Variants in ST3GAL3 observed in about 807,000 individuals in gnomAD.
ST3GAL3 encodes the protein ST3 beta-galactoside alpha-2,3-sialyltransferase 3.
A neutral mutation model predicts 50.1 loss-of-function variants in ST3GAL3; 21 were observed. The observed-to-expected ratio is 0.42, with a 90% CI of 0.30 to 0.60. The LOEUF is 0.60. Ranked by LOEUF, ST3GAL3 falls within the 20% of genes least tolerant of loss-of-function variation. The pLI is 0.19. For missense variants in ST3GAL3, 353 were observed against 489.4 expected, an observed-to-expected ratio of 0.72 and a Z score of 2.63; for synonymous variants, 183 against 190.0, an observed-to-expected ratio of 0.96 and a Z score of 0.30.
At chr1:43,797,703 C>G (rs1313009574) in intron 3 of ST3GAL3, among the ~76,000 whole-genome samples, 2 of 152,152 alleles carry the variant, frequency 1.3e-5, no homozygotes, top group East Asian at 1.9e-4. Flanking sequence ...AAAGACTGCT[C>G]TCCCCCTAAC....
chr1:43,871,791 T>A (rs577990095), intron 5 of ST3GAL3, among the ~76,000 whole-genome samples: 6 of 10,318 alleles, frequency 5.8e-4, no homozygotes, highest in Admixed American at 2.6e-3. Context: ...ATGGGATGTG[T>A]GGGAGAAGAT....
intron 4 of ST3GAL3, among the ~76,000 whole-genome samples, chr1:43,817,644 C>CCCTT (rs1558438782): frequency 4.2e-4 from 32 of 75,768 alleles, no homozygotes; most frequent in East Asian, 1.0e-3. Context: ...TCCTCCTTCT[C>CCCTT]CTCCTCCTCC....
At chr1:43,929,544 A>G (rs1457654513) in intron 11 of ST3GAL3, among the ~76,000 whole-genome samples, 1 of 151,964 alleles carries the variant, frequency 6.6e-6, no homozygotes, top group Non-Finnish European at 1.5e-5. Context: ...CTCGTGATCC[A>G]CCCGCCTCGG....
intron 3 of ST3GAL3, among the ~76,000 whole-genome samples, chr1:43,795,900 A>T (rs554635041): frequency 6.6e-6 from 1 of 152,302 alleles, no homozygotes; most frequent in Non-Finnish European, 1.5e-5. Flanking sequence ...TCAGTGTCCC[A>T]TGTCTTGGAC....
chr1:43,868,361 G>T (rs1170022383), intron 5 of ST3GAL3, among the ~76,000 whole-genome samples: 3 of 152,194 alleles, frequency 2.0e-5, no homozygotes, highest in Non-Finnish European at 2.9e-5. Context: ...GCTAAATCTA[G>T]TAGACCTTTC....
intron 2 of ST3GAL3, among the ~76,000 whole-genome samples, chr1:43,764,156 T>A (rs1224339848): frequency 6.6e-6 from 1 of 152,228 alleles, no homozygotes; most frequent in Admixed American, 6.5e-5. Context: ...TGTAGCTCTG[T>A]TATGTATTTA....
At chr1:43,832,319 A>C (rs1367369908) in intron 4 of ST3GAL3, among the ~76,000 whole-genome samples, 2 of 152,226 alleles carry the variant, frequency 1.3e-5, no homozygotes, top group Non-Finnish European at 2.9e-5. Flanking sequence ...GCAGAAAGGC[A>C]GGGCCTCCGG....
At position 43,813,055 on chromosome 1, in the gene ST3GAL3, G is replaced by A. The variant is rs535172024; in HGVS notation, c.167-1836G>A. ...GCAACTAAAATGAGTAGTGTGAGCC[G>A]CTGTATAAGAGTATTACATTCTCCT... On this transcript the variant is annotated intron_variant, in intron 3 of 11. Transcript: ENST00000347631. Among the ~76,000 whole-genome samples, 12 of 152,204 alleles carry A rather than the reference G, an allele frequency of 7.9e-5. No individual in the cohort carries two copies. In the South Asian group the frequency reaches 2.5e-3, roughly 32 times the overall value.
chr1:43,873,441 A>T (rs1341974726), intron 5 of ST3GAL3, among the ~76,000 whole-genome samples: 1 of 152,220 alleles, frequency 6.6e-6, no homozygotes, highest in Non-Finnish European at 1.5e-5. Flanking sequence ...TCAAGTTTAA[A>T]CATGCAGAGT....
intron 6 of ST3GAL3, among the ~76,000 whole-genome samples, chr1:43,896,095 T>C (rs1195607102): frequency 6.6e-6 from 1 of 152,144 alleles, no homozygotes; most frequent in Admixed American, 6.5e-5. Flanking sequence ...AGAACATTGC[T>C]TAAAGGTTTG....
At chr1:43,723,916 G>A (rs1261409082) in intron 1 of ST3GAL3, among the ~76,000 whole-genome samples, 1 of 152,034 alleles carries the variant, frequency 6.6e-6, no homozygotes, top group East Asian at 1.9e-4. Context: ...CCAGCCTCAG[G>A]TATTTATTTA....
chr1:43,867,117 G>A (rs1293401296), intron 5 of ST3GAL3, among the ~76,000 whole-genome samples: 8 of 152,166 alleles, frequency 5.3e-5, no homozygotes, highest in Admixed American at 5.2e-4. Flanking sequence ...GTGACAGAGC[G>A]AGACTCCGTC....
rs113723194 is a variant in ST3GAL3 at position 43,898,558 on chromosome 1, G to A, written c.461+260G>A. The A allele has an allele frequency of 1.3e-3, 723 of 551,204 alleles. 6 individuals are homozygous for A. The highest frequency in any genetic ancestry group is 0.012 in the African/African-American group (647 of 53,326). 34.1% of individuals were successfully genotyped at this position (551,204 alleles called of 1,614,324 possible). ...TGAGGGTAAGAACTGAACACACTGG[G>A]GCTGGGACTAGCCCAGCAATGGGAC... On this transcript the variant is annotated intron_variant, in intron 7 of 11. Coordinates refer to ENST00000347631, the MANE Select transcript of ST3GAL3 (RefSeq NM_006279.5).
At chr1:43,903,302 G>A (rs115738511) in intron 9 of ST3GAL3, among the ~76,000 whole-genome samples, 68 of 152,304 alleles carry the variant, frequency 4.5e-4, no homozygotes, top group African/African-American at 1.5e-3. Flanking sequence ...GGGGTCTGGA[G>A]AGGACAGGAC....
chr1:43,814,044 A>G (rs540175055), intron 3 of ST3GAL3, among the ~76,000 whole-genome samples: 1 of 152,320 alleles, frequency 6.6e-6, no homozygotes, highest in African/African-American at 2.4e-5. Flanking sequence ...CTTAGTATCA[A>G]GAATAGCTGT....
chr1:43,925,211 G>A (rs1203984125), intron 11 of ST3GAL3, among the ~76,000 whole-genome samples: 1 of 150,976 alleles, frequency 6.6e-6, no homozygotes, highest in Admixed American at 6.7e-5. Context: ...AATTGCTTGA[G>A]CCCAGGAGGG....
chr1:43,727,204 T>G (rs1482808568), intron 1 of ST3GAL3: 1 of 152,180 alleles, frequency 6.6e-6, no homozygotes, highest in Admixed American at 6.6e-5. Context: ...TTTCCCATTT[T>G]CAGGCACAAC....
At chr1:43,873,202 C>T (rs1324928505) in intron 5 of ST3GAL3, among the ~76,000 whole-genome samples, 1 of 152,070 alleles carries the variant, frequency 6.6e-6, no homozygotes, top group African/African-American at 2.4e-5. Context: ...ATGATTGTGA[C>T]CTGGACCACG....
chr1:43,852,513 A>G (rs2067523998), intron 5 of ST3GAL3, among the ~76,000 whole-genome samples: 1 of 152,224 alleles, frequency 6.6e-6, no homozygotes, highest in South Asian at 2.1e-4. Flanking sequence ...ACATAGAGGC[A>G]TGGTCTATTC....
Sources: gnomAD v4.1 joint callset for allele counts (sites outside exome capture counted in the v4.1 genomes callset) on GRCh38, gnomAD v4.1.1 for gene constraint, MANE v1.5 for transcripts, NCBI Gene and HGNC (gene_info 2026-07-23, HGNC 2026-07-21) for gene names.